Variants in ATP9B observed in about 807,000 individuals in gnomAD.
ATP9B encodes probable phospholipid-transporting ATPase IIB.
ATP9B carries 110 observed loss-of-function variants against 146.1 expected under a neutral mutation model. The ratio of observed to expected loss-of-function variants is 0.75; its 90% CI spans 0.65 to 0.88. ATP9B has a LOEUF of 0.88. ATP9B is among the 40% of genes least tolerant of loss of function. The pLI is 0.00. For synonymous variants in ATP9B, 604 were observed against 569.7 expected (o/e 1.06, Z -0.86); for missense variants, 1,499 against 1,496.4 (o/e 1.00, Z -0.03).
chr18:79,320,261 C>T (rs1568671676), intron 15 of ATP9B, among the ~76,000 whole-genome samples: 2 of 152,190 alleles, frequency 1.3e-5, no homozygotes, highest in Admixed American at 6.5e-5. Context: ...GGAAGGAGCC[C>T]GGACCTGGGA....
Position 79,259,324 on chromosome 18 carries a change from C to T in ATP9B, c.1268+5783C>T, listed in dbSNP as rs550029160. ...GAGGTCAGGGACTTGCAGTTACTTC[C>T]CTCTTTATTAACTCTTTCGTCCGTA... On this transcript the variant is annotated intron_variant, in intron 12 of 29. Coordinates refer to ENST00000426216, the MANE Select transcript of ATP9B (RefSeq NM_198531.5). Among the ~76,000 whole-genome samples the T allele has an allele frequency of 2.6e-5, 4 of 152,262 alleles. No individual in the cohort carries two copies. In the South Asian group the frequency reaches 6.2e-4, roughly 24 times the overall value.
chr18:79,215,311 G>A (rs1487325855), intron 11 of ATP9B, among the ~76,000 whole-genome samples: 4 of 152,094 alleles, frequency 2.6e-5, no homozygotes, highest in African/African-American at 9.7e-5. Flanking sequence ...CTTCTGTGTC[G>A]ATTGTTTGCT....
Position 79,284,118 on chromosome 18 carries a change from G to A in ATP9B, c.1411+6922G>A, listed in dbSNP as rs2096408668. Among the ~76,000 whole-genome samples, 6 of 152,310 alleles carry A rather than the reference G, an allele frequency of 3.9e-5. No individual in the cohort carries two copies. The South Asian group carries it at 1.2e-3, about 32-fold the overall frequency. ...CACAAGATGGCATCATCATGAAGGG[G>A]AAAGCTGTTTTCCCAGTTTGTAAGG... On this transcript the variant is annotated intron_variant, in intron 13 of 29. Transcript: ENST00000426216.
At chr18:79,081,933 C>A (rs1475578234) in intron 1 of ATP9B, among the ~76,000 whole-genome samples, 3 of 152,050 alleles carry the variant, frequency 2.0e-5, no homozygotes, top group African/African-American at 7.2e-5. Flanking sequence ...CTCTGTATTT[C>A]CTAAATTTGA....
At chr18:79,319,277 G>A (rs915671188) in intron 15 of ATP9B, among the ~76,000 whole-genome samples, 3 of 152,254 alleles carry the variant, frequency 2.0e-5, no homozygotes, top group African/African-American at 2.4e-5. Flanking sequence ...CTGCCTTCCA[G>A]AAGTGCTTCA....
At chr18:79,265,754 A>G (rs921914062) in intron 12 of ATP9B, among the ~76,000 whole-genome samples, 1 of 151,954 alleles carries the variant, frequency 6.6e-6, no homozygotes, top group African/African-American at 2.4e-5. Flanking sequence ...TGGTATCTTC[A>G]TCATAAAATC....
chr18:79,332,397 C>G (rs2096796298), intron 17 of ATP9B, among the ~76,000 whole-genome samples: 1 of 152,148 alleles, frequency 6.6e-6, no homozygotes, highest in Non-Finnish European at 1.5e-5. Flanking sequence ...ACACTGCACT[C>G]CAGCCTGGGC....
At chr18:79,105,069 A>T (rs191490593) in intron 2 of ATP9B, among the ~76,000 whole-genome samples, 4 of 152,306 alleles carry the variant, frequency 2.6e-5, no homozygotes, top group African/African-American at 4.8e-5. Flanking sequence ...GCCATATGGG[A>T]TGAGAAGCGA....
intron 21 of ATP9B, among the ~76,000 whole-genome samples, chr18:79,345,049 C>T: frequency 6.6e-6 from 1 of 152,304 alleles, no homozygotes; most frequent in Middle Eastern, 3.4e-3. Context: ...AGAAATCTGG[C>T]AGAAGCTGCC....
intron 11 of ATP9B, among the ~76,000 whole-genome samples, chr18:79,217,986 C>T (rs1351781728): frequency 6.6e-6 from 1 of 152,238 alleles, no homozygotes. Context: ...AGTTCGTCGT[C>T]AGCAGAGAAA....
In ATP9B at chr18:79,197,848, C is replaced by G. The variant is rs185030815; in HGVS notation, c.954+4585C>G. On this transcript the variant is annotated intron_variant, in intron 9 of 29. Transcript: ENST00000426216. ...TGTCAGACTGGAGAAAAACATAGTACCCCCGAATTCATAGAACTAATAGGC... is the reference window on the plus strand; with the variant it reads ...TGTCAGACTGGAGAAAAACATAGTAGCCCCGAATTCATAGAACTAATAGGC... 2.2e-3 allele frequency among the ~76,000 whole-genome samples: 328 copies of G among 152,228 alleles called. 1 individual carries two copies. The highest frequency in any genetic ancestry group is 3.4e-3 in the Non-Finnish European group (233 of 68,020).
At chr18:79,210,673 G>A (rs115585436) in intron 10 of ATP9B, among the ~76,000 whole-genome samples, 1 of 152,198 alleles carries the variant, frequency 6.6e-6, no homozygotes, top group African/African-American at 2.4e-5. Flanking sequence ...CTATCATCGG[G>A]TCCAGCCCGG....
chr18:79,220,164 T>C (rs1245965485), intron 11 of ATP9B, among the ~76,000 whole-genome samples: 1 of 152,210 alleles, frequency 6.6e-6, no homozygotes, highest in African/African-American at 2.4e-5. Context: ...CAAGGAGTTT[T>C]GGAAGCAAAG....
At position 79,309,732 on chromosome 18, in the gene ATP9B, G is replaced by T. The variant is rs75276113; in HGVS notation, c.1773+2498G>T. On this transcript the variant is annotated intron_variant, in intron 15 of 29. Transcript: ENST00000426216. ...AAGGTTTCTCTTAGGGGATGAAAATGTTTTGAAATAGATTATCGTGTTGGT... is the reference window on the plus strand; with the variant it reads ...AAGGTTTCTCTTAGGGGATGAAAATTTTTTGAAATAGATTATCGTGTTGGT... Among the ~76,000 whole-genome samples, 97 of 152,236 alleles carry T rather than the reference G, an allele frequency of 6.4e-4. 1 individual carries two copies. The East Asian group carries it at 0.018, about 28-fold the overall frequency.
intron 12 of ATP9B, among the ~76,000 whole-genome samples, chr18:79,257,288 A>T (rs537378780): frequency 6.6e-6 from 1 of 152,210 alleles, no homozygotes; most frequent in African/African-American, 2.4e-5. Context: ...CAGGCAAAAG[A>T]ACAAAACTCT....
At chr18:79,189,624 T>C (rs971541571) in intron 8 of ATP9B, among the ~76,000 whole-genome samples, 6 of 152,254 alleles carry the variant, frequency 3.9e-5, no homozygotes, top group Non-Finnish European at 8.8e-5. Flanking sequence ...AGAAAAATTA[T>C]TAAGAAAATC....
intron 12 of ATP9B, 34 bp from the exon 13 acceptor site, chr18:79,277,020 C>A: frequency 6.2e-7 from 1 of 1,613,080 alleles, no homozygotes. Context: ...GGCTCTGGAT[C>A]ACACTAACCA....
Position 79,069,431 on chromosome 18 carries a change from T to TTACCCGGTGCG in ATP9B, c.24_34dup (p.Ser12ThrfsTer48), listed in dbSNP as rs1246715516. 3 of 1,520,892 alleles carry TTACCCGGTGCG rather than the reference T, an allele frequency of 2.0e-6. No individual in the cohort carries two copies. Among genetic ancestry groups the TTACCCGGTGCG allele is most frequent in the Non-Finnish European group, 2.6e-6 (3 of 1,138,260 alleles). 94.2% of individuals were successfully genotyped at this position (1,520,892 alleles called of 1,614,324 possible). A position where few individuals can be genotyped will look rare whatever the true frequency, so the allele number is the denominator to read the frequency against. On this transcript the variant is annotated frameshift_variant, in exon 1 of 30. Coordinates refer to ENST00000426216, the MANE Select transcript of ATP9B (RefSeq NM_198531.5). LOFTEE classifies it high-confidence loss of function. ...GGAACATGGCGGACCAGATCCCGCT[T>TTACCCGGTGCG]TACCCGGTGCGTAGCGCAGCGGCGG...
intron 6 of ATP9B, among the ~76,000 whole-genome samples, chr18:79,149,261 G>T (rs923582028): frequency 6.6e-6 from 1 of 152,194 alleles, no homozygotes. Context: ...CACCCTTGAT[G>T]TGAAGGCATA....
Sources: gnomAD v4.1 joint callset for allele counts (sites outside exome capture counted in the v4.1 genomes callset) on GRCh38, gnomAD v4.1.1 for gene constraint, MANE v1.5 for transcripts, NCBI Gene and HGNC (gene_info 2026-07-23, HGNC 2026-07-21) for gene names.